The following AFM variants were observed in gnomAD, a reference collection of about 807,000 sequenced individuals.
AFM encodes alpha-Alb.
A neutral mutation model predicts 68.7 loss-of-function variants in AFM; 82 were observed. The observed-to-expected ratio is 1.19, with a 90% CI of 1.00 to 1.43. The LOEUF is 1.43. Ranked by LOEUF, AFM falls within the 40% of genes most tolerant of loss-of-function variation. The pLI is 0.00. For synonymous variants in AFM, 250 were observed against 234.2 expected (o/e 1.07, Z -0.61); for missense variants, 772 against 701.8 (o/e 1.10, Z -1.13).
At chr4:73,484,189 T>C in intron 2 of AFM, 69 bp from the exon 3 acceptor site, 1 of 1,523,962 alleles carries the variant, frequency 6.6e-7, no homozygotes, top group Non-Finnish European at 8.7e-7. Flanking sequence ...GATGTTCCTG[T>C]GACTTTTTCT....
Position 73,495,415 on chromosome 4 carries a change from G to T in AFM, c.1174G>T (p.Gly392Cys). 8 of 1,611,236 alleles carry T rather than the reference G, an allele frequency of 5.0e-6. No homozygotes were observed. Among genetic ancestry groups the T allele is most frequent in the Non-Finnish European group, 5.9e-6 (7 of 1,179,262 alleles). ...RNCCNTENPP[G>C]CYRYAEDKFN... ...TTGCTGCAACACAGAAAACCCTCCA[G>T]GTTGTTACCGTTACGCGGTAGGTTC... The change falls in exon 9 of 15, where the codon GGT becomes TGT. Residue 392 changes from glycine (G) to cysteine (C), a missense_variant. Physicochemically the swap from Gly to Cys is radical, Grantham distance 159 (BLOSUM62 -3). Coordinates refer to ENST00000226355, the MANE Select transcript of AFM (RefSeq NM_001133.2).
At chr4:73,503,183 A>T in intron 14 of AFM, 73 bp downstream of exon 14, 4 of 1,169,246 alleles carry the variant, frequency 3.4e-6, no homozygotes, top group Non-Finnish European at 5.1e-6. Context: ...TTTCTCCCTC[A>T]TGCTTCTTTG....
chr4:73,495,463 CA>C, intron 9 of AFM, 31 bp downstream of exon 9: 1 of 1,588,200 alleles, frequency 6.3e-7, no homozygotes, highest in Non-Finnish European at 8.5e-7. Context: ...TTCAGAAAAT[CA>C]AAAAAGAACA....
Position 73,497,750 on chromosome 4 carries a change from G to C in AFM, c.1289+1G>C. On this transcript the variant is annotated splice_donor_variant, in intron 10 of 14. Transcript: ENST00000226355. LOFTEE classifies it high-confidence loss of function. Reference sequence around the variant, plus strand: ...TGGGGAAGGATGGTTTGAAATACCAGTATGTTGTTTGCACAAGTGGGCTAA... The same window carrying C: ...TGGGGAAGGATGGTTTGAAATACCACTATGTTGTTTGCACAAGTGGGCTAA... The C allele has an allele frequency of 1.3e-6, 2 of 1,578,696 alleles. No homozygotes were observed. The highest frequency in any genetic ancestry group is 2.3e-5 in the South Asian group (2 of 88,380).
chr4:73,488,690 T>G lies in AFM; in HGVS notation c.774T>G (p.Leu258=). Reference sequence around the variant, plus strand: ...TTGAATTTAAGGAGCTTATTTCTCTTGTAGAAGATGTTTCTTCCAACTATG... The same window carrying G: ...TTGAATTTAAGGAGCTTATTTCTCTGGTAGAAGATGTTTCTTCCAACTATG... ...PKIEFKELIS[L]VEDVSSNYDG... is the part of the protein sequence containing the mutation. The change falls in exon 7 of 15, where the codon CTT becomes CTG. Residue 258 remains leucine, a synonymous_variant. Transcript: ENST00000226355. The G allele has an allele frequency of 6.2e-7, 1 of 1,613,148 alleles. No individual in the cohort carries two copies.
Position 73,488,801 on chromosome 4 carries a change from C to A in AFM, c.843+42C>A, listed in dbSNP as rs753977788. The stretch of plus-strand genomic sequence containing the variant: ...ACCAAGTTAAAATAGTGATTTTTGG[C>A]AATTATCATTTTTTTATTCTCAAGT... On this transcript the variant is annotated intron_variant, in intron 7 of 14. Coordinates refer to ENST00000226355, the MANE Select transcript of AFM (RefSeq NM_001133.2). The A allele has an allele frequency of 5.1e-6, 8 of 1,569,390 alleles. No homozygotes were observed. The African/African-American group carries it at 8.3e-5, about 16-fold the overall frequency.
intron 12 of AFM, among the ~76,000 whole-genome samples, chr4:73,501,092 A>C (rs1033823778): frequency 6.6e-6 from 1 of 152,176 alleles, no homozygotes; most frequent in Non-Finnish European, 1.5e-5. Context: ...TGTACTTTTA[A>C]GACATCAATG....
intron 9 of AFM, among the ~76,000 whole-genome samples, chr4:73,495,875 T>A (rs1721239563): frequency 6.6e-6 from 1 of 152,216 alleles, no homozygotes; most frequent in South Asian, 2.1e-4. Context: ...CAAAGAACCC[T>A]TTTCTGATTC....
At chr4:73,488,431 C>T (rs573785876) in intron 6 of AFM, among the ~76,000 whole-genome samples, 199 bp from the exon 7 acceptor site, 3 of 152,160 alleles carry the variant, frequency 2.0e-5, no homozygotes, top group South Asian at 2.1e-4. Flanking sequence ...CTTTGGGGCT[C>T]TTAAAATATC....
intron 6 of AFM, 108 bp downstream of exon 6, chr4:73,487,929 G>T: frequency 1.4e-6 from 1 of 731,728 alleles, no homozygotes; most frequent in Non-Finnish European, 2.3e-6. Flanking sequence ...AGTACCTAGG[G>T]GCTTTGGGGT....
At chr4:73,501,230 T>A (rs912401300) in intron 12 of AFM, among the ~76,000 whole-genome samples, 10 of 152,146 alleles carry the variant, frequency 6.6e-5, no homozygotes, top group African/African-American at 1.9e-4. Context: ...CTTATTTTTT[T>A]AATTGCTCCT....
At chr4:73,503,021 T>C (rs1411597112) in intron 13 of AFM, 29 bp from the exon 14 acceptor site, 3 of 1,610,088 alleles carry the variant, frequency 1.9e-6, no homozygotes. Context: ...TTTCTTCCTA[T>C]GTGTTTTTAT....
intron 4 of AFM, 39 bp from the exon 5 acceptor site, chr4:73,486,928 C>A: frequency 6.3e-7 from 1 of 1,594,026 alleles, no homozygotes. Context: ...CTGTTTCTTC[C>A]CTCACCCGTC....
rs1332568956 is a variant in AFM, at chr4:73,488,670, T to A, written c.754T>A (p.Phe252Ile). Residue 252 changes from phenylalanine (F) to isoleucine (I), a missense_variant, in exon 7 of 15, where the codon TTT becomes ATT. Coordinates refer to ENST00000226355, the MANE Select transcript of AFM (RefSeq NM_001133.2). ...ILSQKFPKIE[F>I]KELISLVEDV... ...CAGTCAAAAATTCCCCAAGATTGAA[T>A]TTAAGGAGCTTATTTCTCTTGTAGA... The A allele has an allele frequency of 6.2e-7, 1 of 1,612,710 alleles. No homozygotes were observed. The highest frequency in any genetic ancestry group is 2.2e-5 in the East Asian group (1 of 44,822).
At chr4:73,492,327 A>G (rs530151310) in intron 8 of AFM, among the ~76,000 whole-genome samples, 1 of 152,328 alleles carries the variant, frequency 6.6e-6, no homozygotes, top group South Asian at 2.1e-4. Flanking sequence ...TCATGGGACT[A>G]TATACTTTAT....
At chr4:73,486,206 G>A (rs1474172123) in intron 4 of AFM, 133 bp downstream of exon 4, 1 of 784,330 alleles carries the variant, frequency 1.3e-6, no homozygotes, top group Admixed American at 2.7e-5. Context: ...AAAACATACT[G>A]TGTGTCAGAT....
intron 5 of AFM, among the ~76,000 whole-genome samples, chr4:73,487,385 T>A (rs549216179): frequency 1.3e-5 from 2 of 152,104 alleles, no homozygotes; most frequent in Non-Finnish European, 2.9e-5. Context: ...AATGATGACA[T>A]TTTATCTTTT....
At chr4:73,499,470 T>C (rs1721358687) in intron 11 of AFM, among the ~76,000 whole-genome samples, 1 of 152,176 alleles carries the variant, frequency 6.6e-6, no homozygotes, top group Non-Finnish European at 1.5e-5. Flanking sequence ...TTATCTTTCT[T>C]ATTTCTTCAT....
At chr4:73,486,388 G>A (rs1363156654) in intron 4 of AFM, among the ~76,000 whole-genome samples, 3 of 152,166 alleles carry the variant, frequency 2.0e-5, no homozygotes, top group Admixed American at 1.3e-4. Flanking sequence ...TTCCCAAGGG[G>A]AAGTTGCTGT....
Sources: gnomAD v4.1 joint callset for allele counts (sites outside exome capture counted in the v4.1 genomes callset) on GRCh38, gnomAD v4.1.1 for gene constraint, MANE v1.5 for transcripts, NCBI Gene and HGNC (gene_info 2026-07-23, HGNC 2026-07-21) for gene names.